LRP1B: variants seen among roughly 807,000 people sequenced by gnomAD.
The protein encoded by LRP1B is low-density lipoprotein receptor-related protein 1B.
A neutral mutation model predicts 556.6 loss-of-function variants in LRP1B; 217 were observed. The ratio of observed to expected loss-of-function variants is 0.39; its 90% confidence interval spans 0.35 to 0.44. The LOEUF is 0.44. LRP1B is among the 20% of genes least tolerant of loss of function. The pLI, the probability that LRP1B is intolerant of heterozygous loss-of-function variation, is 1.00. For synonymous variants in LRP1B, 2,047 were observed against 1,865.8 expected (o/e 1.10, Z -2.50); for missense variants, 5,053 against 5,620.8 (o/e 0.90, Z 3.23).
intron 2 of LRP1B, among the ~76,000 whole-genome samples, chr2:141,719,053 T>C (rs1692723938): frequency 6.6e-6 from 1 of 151,838 alleles, no homozygotes; most frequent in African/African-American, 2.4e-5. Context: ...ATTCTGACTT[T>C]CCCCCCCACC....
intron 1 of LRP1B, among the ~76,000 whole-genome samples, chr2:141,813,127 T>C (rs1696412379): frequency 1.3e-5 from 2 of 152,196 alleles, no homozygotes; most frequent in Non-Finnish European, 1.5e-5. Context: ...GAACTTCTAC[T>C]GTGTTCTAGG....
intron 2 of LRP1B, among the ~76,000 whole-genome samples, chr2:141,643,458 A>T (rs922466344): frequency 6.6e-6 from 1 of 152,192 alleles, no homozygotes; most frequent in Non-Finnish European, 1.5e-5. Context: ...ACGGAGAGGA[A>T]TATGGAAATT....
At chr2:141,467,845 G>GGGGGGGGC (rs1553518608) in intron 3 of LRP1B, among the ~76,000 whole-genome samples, 15 of 127,480 alleles carry the variant, frequency 1.2e-4, no homozygotes, top group Admixed American at 1.7e-4. Context: ...GGACCGGGGG[G>GGGGGGGGC]GGGGGAATTC....
intron 1 of LRP1B, among the ~76,000 whole-genome samples, chr2:141,910,298 AT>A (rs1699875237): frequency 6.6e-6 from 1 of 152,096 alleles, no homozygotes; most frequent in East Asian, 1.9e-4. Flanking sequence ...GAAGGAAGGC[AT>A]TAGTATTAGT....
At chr2:140,468,633 G>A (rs1687642145) in intron 60 of LRP1B, among the ~76,000 whole-genome samples, 2 of 152,174 alleles carry the variant, frequency 1.3e-5, no homozygotes, top group Admixed American at 1.3e-4. Context: ...ATGGAGGCAG[G>A]CCCCCCTGGA....
At chr2:141,465,529 A>G (rs753753754) in intron 3 of LRP1B, among the ~76,000 whole-genome samples, 1 of 143,424 alleles carries the variant, frequency 7.0e-6, no homozygotes, top group African/African-American at 2.5e-5. Flanking sequence ...GTTTTTTGCT[A>G]CAGCACAGCA....
intron 35 of LRP1B, among the ~76,000 whole-genome samples, chr2:140,718,922 C>T (rs1687302867): frequency 6.6e-6 from 1 of 151,980 alleles, no homozygotes; most frequent in Non-Finnish European, 1.5e-5. Context: ...TCAAATATCC[C>T]CTTCTTATTG....
At position 141,746,731 on chromosome 2, in the gene LRP1B, C is replaced by A. The variant is rs576452318; in HGVS notation, c.205+63548G>T. 4.6e-5 allele frequency among the ~76,000 whole-genome samples: 7 copies of A among 152,090 alleles called. No individual in the cohort carries two copies. In the East Asian group the frequency reaches 5.8e-4, roughly 13 times the overall value. ...GCATGGGATAGGCCATCTTGCTCCACCCCCATTTTGAATTATAACTTTAAA... is the reference window on the plus strand; with the variant it reads ...GCATGGGATAGGCCATCTTGCTCCAACCCCATTTTGAATTATAACTTTAAA... On this transcript the variant is annotated intron_variant, in intron 2 of 90. Coordinates refer to ENST00000389484, the MANE Select transcript of LRP1B (RefSeq NM_018557.3).
At chr2:140,523,337 C>T (rs957413579) in intron 49 of LRP1B, among the ~76,000 whole-genome samples, 4 of 151,814 alleles carry the variant, frequency 2.6e-5, no homozygotes, top group Non-Finnish European at 5.9e-5. Context: ...TCAATAAAAT[C>T]CAATATCGCT....
chr2:141,547,598 A>G (rs961224570), intron 2 of LRP1B, among the ~76,000 whole-genome samples: 9 of 152,034 alleles, frequency 5.9e-5, no homozygotes, highest in Non-Finnish European at 8.8e-5. Flanking sequence ...CACTCCAATC[A>G]TCAAAAACTA....
chr2:141,275,263 G>A (rs543048456), intron 3 of LRP1B, among the ~76,000 whole-genome samples: 7 of 152,296 alleles, frequency 4.6e-5, no homozygotes, highest in Admixed American at 6.5e-5. Flanking sequence ...ACAAGGAGGT[G>A]AAAACAGTGA....
intron 6 of LRP1B, among the ~76,000 whole-genome samples, chr2:141,226,308 A>T (rs1052060162): frequency 6.6e-6 from 1 of 152,162 alleles, no homozygotes; most frequent in African/African-American, 2.4e-5. Context: ...CTGAACTTTG[A>T]GTAAAAATGC....
intron 1 of LRP1B, among the ~76,000 whole-genome samples, chr2:142,089,618 C>A (rs1032833244): frequency 2.6e-5 from 4 of 152,038 alleles, no homozygotes; most frequent in African/African-American, 9.7e-5. Flanking sequence ...AAGTGTGGTC[C>A]AAGACTGGAC....
chr2:140,653,272 C>G (rs757789396), intron 41 of LRP1B, among the ~76,000 whole-genome samples: 42 of 151,976 alleles, frequency 2.8e-4, no homozygotes, highest in Non-Finnish European at 4.9e-4. Context: ...GAAATAGATA[C>G]TTTTCAGGAA....
chr2:141,922,646 C>T (rs1436304686), intron 1 of LRP1B, among the ~76,000 whole-genome samples: 2 of 152,068 alleles, frequency 1.3e-5, no homozygotes, highest in Non-Finnish European at 2.9e-5. Context: ...GAATAAATTG[C>T]CAATTTATGG....
intron 35 of LRP1B, among the ~76,000 whole-genome samples, chr2:140,766,752 T>C: frequency 6.8e-6 from 1 of 148,136 alleles, no homozygotes; most frequent in Non-Finnish European, 1.5e-5. Context: ...ATAATATCAG[T>C]TGAGAGAACA....
intron 3 of LRP1B, among the ~76,000 whole-genome samples, chr2:141,281,781 T>C (rs530402813): frequency 1.4e-3 from 216 of 152,200 alleles, no homozygotes; most frequent in African/African-American, 4.5e-3. Context: ...CAGTATGGTA[T>C]AGTAGTTAGA....
rs544108766 is a variant in LRP1B, at chr2:141,363,259, G to T, written c.344-108618C>A. ...TCAAGTATTTAAATGAATAGATCTTGATTATATTATCTTGAATGGAAGTGT... is the reference window on the plus strand; with the variant it reads ...TCAAGTATTTAAATGAATAGATCTTTATTATATTATCTTGAATGGAAGTGT... On this transcript the variant is annotated intron_variant, in intron 3 of 90. Transcript: ENST00000389484. Among the ~76,000 whole-genome samples, 6 of 152,260 alleles carry T rather than the reference G, an allele frequency of 3.9e-5. No homozygotes were observed. In the South Asian group the frequency reaches 1.2e-3, roughly 32 times the overall value.
At chr2:141,766,861 T>C (rs1694749295) in intron 2 of LRP1B, among the ~76,000 whole-genome samples, 1 of 152,218 alleles carries the variant, frequency 6.6e-6, no homozygotes, top group Non-Finnish European at 1.5e-5. Context: ...TATAGCCTTG[T>C]ACATATGCTA....
Sources: allele counts gnomAD v4.1 joint callset (sites outside exome capture counted in the v4.1 genomes callset), GRCh38; gene constraint gnomAD v4.1.1; transcripts MANE v1.5; gene names NCBI Gene and HGNC (gene_info 2026-07-23, HGNC 2026-07-21).